The following BSN variants were observed in gnomAD, a reference collection of about 807,000 sequenced individuals.
BSN encodes bassoon presynaptic cytomatrix protein.
BSN carries 57 observed loss-of-function variants against 264.8 expected under a neutral mutation model. The ratio of observed to expected loss-of-function variants is 0.22; its 90% confidence interval spans 0.17 to 0.27. The LOEUF is 0.27. BSN is among the 10% of genes least tolerant of loss of function. BSN has a pLI of 1.00. For missense variants in BSN, 4,615 were observed against 5,232.5 expected (o/e 0.88, Z 3.64); for synonymous variants, 2,059 against 2,137.3 (o/e 0.96, Z 1.01).
Position 49,653,079 on chromosome 3 carries a change from C to G in BSN, c.3523C>G (p.Pro1175Ala). 6.2e-7 allele frequency: 1 copy of G among 1,613,596 alleles called. No homozygotes were observed. Among genetic ancestry groups the G allele is most frequent in the Non-Finnish European group, 8.5e-7 (1 of 1,180,040 alleles). The change falls in exon 5 of 12, where the codon CCC (proline) becomes GCC (alanine). Residue 1175 changes from proline to alanine, a missense_variant. Pro to Ala is a conservative substitution (Grantham distance 27, BLOSUM62 -1). Around this residue, in one of 3 missense-constraint regions of BSN, gnomAD observed 3,415 missense variants for 3,866.4 expected, o/e 0.88. Coordinates refer to ENST00000296452, the MANE Select transcript of BSN (RefSeq NM_003458.4). The surrounding 1 kb of genome is among the most constrained non-coding windows in gnomAD (Gnocchi z 6.3). Reference sequence around the variant, plus strand: ...GACACCCTCCGGCAGCTCCACCACTCCCAGTTCCGGACGGCCGCTCAAGAG... The same window carrying G: ...GACACCCTCCGGCAGCTCCACCACTGCCAGTTCCGGACGGCCGCTCAAGAG... ...TETPSGSSTT[P>A]SSGRPLKSAE...
intron 9 of BSN, 83 bp downstream of exon 9, chr3:49,664,637 C>T: frequency 6.5e-7 from 1 of 1,547,832 alleles, no homozygotes; most frequent in Non-Finnish European, 8.7e-7. Flanking sequence ...GACTCAGTCA[C>T]CCAGGCAGAG....
At chr3:49,606,522 T>G (rs1252422398) in intron 1 of BSN, among the ~76,000 whole-genome samples, 3 of 151,274 alleles carry the variant, frequency 2.0e-5, no homozygotes, top group African/African-American at 7.3e-5. Flanking sequence ...GTCCTATGAA[T>G]TGAGTGGCCT....
Position 49,625,303 on chromosome 3 carries a change from C to A in BSN, c.553C>A (p.Pro185Thr), listed in dbSNP as rs1472194377. Residue 185 changes from proline to threonine, a missense_variant, in exon 2 of 12, where the codon CCA becomes ACA. Physicochemically the swap from Pro to Thr is conservative, Grantham distance 38. Coordinates refer to ENST00000296452, the MANE Select transcript of BSN (RefSeq NM_003458.4). This position sits in a 1 kb window ranked among gnomAD's most constrained non-coding sequence, Gnocchi z 4.4. ...GGACCTCACGTCGACCCCCAGCCAGCCAAACTTCAACACCTGCACCCAGTG... is the reference window on the plus strand; with the variant it reads ...GGACCTCACGTCGACCCCCAGCCAGACAAACTTCAACACCTGCACCCAGTG... The part of the protein sequence containing the change: ...TSDLTSTPSQ[P>T]NFNTCTQCHN... 5 of 1,600,374 alleles carry A rather than the reference C, an allele frequency of 3.1e-6. No homozygotes were observed. The Admixed American group carries it at 5.2e-5, about 17-fold the overall frequency.
chr3:49,573,078 C>T (rs1371366296), intron 1 of BSN, among the ~76,000 whole-genome samples: 1 of 152,130 alleles, frequency 6.6e-6, no homozygotes, highest in Non-Finnish European at 1.5e-5. Context: ...CTGGTGCAGC[C>T]CTATTCTCAA....
chr3:49,615,670 C>T (rs1323097952), intron 1 of BSN, among the ~76,000 whole-genome samples: 3 of 152,150 alleles, frequency 2.0e-5, no homozygotes, highest in Admixed American at 6.5e-5. Context: ...GCTGTGGCTG[C>T]GTTTTATGGA....
At position 49,642,411 on chromosome 3, in the gene BSN, G is replaced by A; in HGVS notation, c.777G>A (p.Gly259=). 1.2e-6 allele frequency: 2 copies of A among 1,601,786 alleles called. No individual in the cohort carries two copies. Among genetic ancestry groups the A allele is most frequent in the Non-Finnish European group, 1.7e-6 (2 of 1,174,320 alleles). ...ACTCCCCGGCCAAACAGCCCCTGGGGAAGCCAGACCAAGAGAGATCTCGGG... is the reference window on the plus strand; with the variant it reads ...ACTCCCCGGCCAAACAGCCCCTGGGAAAGCCAGACCAAGAGAGATCTCGGG... ...PAHSPAKQPL[G]KPDQERSRGP... The change falls in exon 3 of 12, where the codon GGG becomes GGA. Residue 259 remains glycine, a synonymous_variant. Coordinates refer to ENST00000296452, the MANE Select transcript of BSN (RefSeq NM_003458.4). This position sits in a 1 kb window ranked among gnomAD's most constrained non-coding sequence, Gnocchi z 7.0.
chr3:49,634,242 T>A, intron 2 of BSN, among the ~76,000 whole-genome samples: 1 of 148,562 alleles, frequency 6.7e-6, no homozygotes, highest in Admixed American at 6.7e-5. Flanking sequence ...GAAGGGGGAA[T>A]GGGGAGTTTC....
intron 1 of BSN, among the ~76,000 whole-genome samples, chr3:49,621,769 G>A (rs1280222083): frequency 6.6e-6 from 1 of 152,128 alleles, no homozygotes; most frequent in Non-Finnish European, 1.5e-5. Flanking sequence ...TCAGGCTGGA[G>A]CACAGCAGCG....
rs776240584 is a variant in BSN at position 49,662,415 on chromosome 3, G to A, written c.10570G>A (p.Gly3524Ser). The A allele has an allele frequency of 3.1e-6, 5 of 1,613,466 alleles. No individual in the cohort carries two copies. In the East Asian group the frequency reaches 6.7e-5, roughly 22 times the overall value. Residue 3524 changes from glycine to serine, a missense_variant, in exon 6 of 12, where the codon GGC becomes AGC. Coordinates refer to ENST00000296452, the MANE Select transcript of BSN (RefSeq NM_003458.4). ...PRPAGGPLPP[G>S]GDTCPQFCSS... ...CCCTGCCGGAGGGCCCCTCCCTCCC[G>A]GCGGGGATACCTGCCCACAGTTCTG...
intron 3 of BSN, among the ~76,000 whole-genome samples, chr3:49,646,057 T>C (rs1213827676): frequency 6.6e-6 from 1 of 152,244 alleles, no homozygotes; most frequent in Non-Finnish European, 1.5e-5. Flanking sequence ...ATTTTCCCCA[T>C]AGGTTGGAAA....
rs747512004 is a variant in BSN, at chr3:49,663,025, C to A, written c.10867C>A (p.Pro3623Thr). The A allele has an allele frequency of 1.2e-6, 2 of 1,613,812 alleles. No homozygotes were observed. The highest frequency in any genetic ancestry group is 1.7e-5 in the Admixed American group (1 of 60,010). Residue 3623 changes from proline (P) to threonine (T), a missense_variant, in exon 7 of 12, where the codon CCC (proline) becomes ACC (threonine). Around this residue, in one of 3 missense-constraint regions of BSN, gnomAD observed 3,415 missense variants for 3,866.4 expected, o/e 0.88. Coordinates refer to ENST00000296452, the MANE Select transcript of BSN (RefSeq NM_003458.4). ...GCACAGCTACCATGACTACGATGAA[C>A]CCCCTGAGGAGGGCCTGTGGCCTCA... ...ARHSYHDYDE[P>T]PEEGLWPHDE...
At chr3:49,643,669 A>G (rs1559612474) in intron 3 of BSN, among the ~76,000 whole-genome samples, 1 of 152,152 alleles carries the variant, frequency 6.6e-6, no homozygotes, top group African/African-American at 2.4e-5. Context: ...TTCAACCTTG[A>G]TTGTCTCTTC....
chr3:49,648,956 C>T (rs1027321102), intron 3 of BSN, among the ~76,000 whole-genome samples: 3 of 152,214 alleles, frequency 2.0e-5, no homozygotes, highest in African/African-American at 4.8e-5. Context: ...GAAGCAGTCT[C>T]GACCCTGAGT....
At position 49,620,778 on chromosome 3, in the gene BSN, CAGG is replaced by C. The variant is rs530756759; in HGVS notation, c.225-4194_225-4192del. On this transcript the variant is annotated intron_variant, in intron 1 of 11. Transcript: ENST00000296452. Reference sequence around the variant, plus strand: ...CTGAGGTGGGCGGATCACTTGAGGTCAGGAGTTCAAAGCCTGGCCAACATGGCG... The same window carrying C: ...CTGAGGTGGGCGGATCACTTGAGGTCAGTTCAAAGCCTGGCCAACATGGCG... 1.2e-3 allele frequency among the ~76,000 whole-genome samples: 188 copies of C among 152,284 alleles called. 5 individuals carry two copies. In the South Asian group the frequency reaches 0.038, roughly 31 times the overall value.
Position 49,654,283 on chromosome 3 carries a change from C to T in BSN, c.4727C>T (p.Ala1576Val), listed in dbSNP as rs779137888. The T allele has an allele frequency of 5.3e-5, 86 of 1,613,142 alleles. No homozygotes were observed. Among genetic ancestry groups the T allele is most frequent in the Non-Finnish European group, 7.0e-5 (83 of 1,179,742 alleles). Reference protein sequence around the residue: ...SSQTRMVHASASTSPLCSPTE... With the variant: ...SSQTRMVHASVSTSPLCSPTE... ...CAGACCAGGATGGTACATGCCAGTG[C>T]CTCCACCTCCCCGCTCTGCTCACCT... The change falls in exon 5 of 12, where the codon GCC (alanine) becomes GTC (valine). Residue 1576 changes from alanine (A) to valine (V), a missense_variant. Physicochemically the swap from Ala to Val is moderately conservative, Grantham distance 64. Transcript: ENST00000296452. The surrounding 1 kb of genome is among the most constrained non-coding windows in gnomAD (Gnocchi z 4.1).
At position 49,625,541 on chromosome 3, in the gene BSN, G is replaced by A. The variant is rs2052335816; in HGVS notation, c.633+158G>A. Among the ~76,000 whole-genome samples, 2 of 152,210 alleles carry A rather than the reference G, an allele frequency of 1.3e-5. No homozygotes were observed. The highest frequency in any genetic ancestry group is 4.1e-4 in the South Asian group (2 of 4,838). The stretch of plus-strand genomic sequence containing the variant: ...CAGGGATGTGTCCTGGTTCCAGGAT[G>A]TGGCAGCAAAGAACAGGGCCTGGCC... On this transcript the variant is annotated intron_variant, in intron 2 of 11. Coordinates refer to ENST00000296452, the MANE Select transcript of BSN (RefSeq NM_003458.4). This position sits in a 1 kb window ranked among gnomAD's most constrained non-coding sequence, Gnocchi z 4.4.
chr3:49,657,127 A>C lies in BSN; in HGVS notation c.7571A>C (p.Glu2524Ala). 6.2e-7 allele frequency: 1 copy of C among 1,612,990 alleles called. No individual in the cohort carries two copies. Among genetic ancestry groups the C allele is most frequent in the Non-Finnish European group, 8.5e-7 (1 of 1,179,792 alleles). The stretch of plus-strand genomic sequence containing the variant: ...CCTGAAGGACTTGGGCAGCCTCGTG[A>C]GCCTGTGCTGCACCGGGGTCTCCCC... ...AGPEGLGQPREPVLHRGLPSS... is the reference protein window; with the variant it reads ...AGPEGLGQPRAPVLHRGLPSS... The change falls in exon 5 of 12, where the codon GAG (glutamate) becomes GCG (alanine). Residue 2524 changes from glutamate (E) to alanine (A), a missense_variant. This residue lies in a region of BSN where 3,415 missense variants were observed against 3,866.4 expected (regional missense o/e 0.88). Coordinates refer to ENST00000296452, the MANE Select transcript of BSN (RefSeq NM_003458.4).
chr3:49,557,031 C>G (rs1482756521), intron 1 of BSN, among the ~76,000 whole-genome samples: 1 of 152,184 alleles, frequency 6.6e-6, no homozygotes, highest in Non-Finnish European at 1.5e-5. Flanking sequence ...TCATACTGAG[C>G]TGAGTTGGAC....
rs71080542 is a variant in BSN at position 49,624,300 on chromosome 3, CTTTT to C, written c.225-661_225-658del. On this transcript the variant is annotated intron_variant, in intron 1 of 11. Transcript: ENST00000296452. ...CCAGGCGTGAGCCAACGTGCCCAGC[CTTTT>C]TTTTTTTTTTTTTAGACAGGGTCTC... Among the ~76,000 whole-genome samples the C allele has an allele frequency of 8.8e-4, 59 of 67,186 alleles. 3 individuals are homozygous for C. Among genetic ancestry groups the C allele is most frequent in the Non-Finnish European group, 1.3e-3 (50 of 37,044 alleles). The allele number at this position is 67,186 out of a possible 152,430, so 44.1% of individuals were successfully genotyped here.
Sources: gnomAD v4.1 joint callset for allele counts (sites outside exome capture counted in the v4.1 genomes callset) on GRCh38, gnomAD v4.1.1 for gene constraint, gnomAD v4.1.1 regional missense constraint, Gnocchi (gnomAD v3.1) non-coding constraint, MANE v1.5 for transcripts, NCBI Gene and HGNC (gene_info 2026-07-23, HGNC 2026-07-21) for gene names.